Variants in SLC17A4 observed in about 807,000 individuals in gnomAD.
SLC17A4 encodes the protein solute carrier family 17 member 4, also known as probable small intestine urate exporter.
A neutral mutation model predicts 52.5 loss-of-function variants in SLC17A4; 33 were observed. The observed-to-expected ratio is 0.63, with a 90% CI of 0.48 to 0.84. The LOEUF (loss-of-function observed/expected upper bound fraction) is 0.84. SLC17A4 is among the 40% of genes least tolerant of loss of function. The pLI, the probability that SLC17A4 is intolerant of heterozygous loss-of-function variation, is 0.00. For missense variants in SLC17A4, 585 were observed against 597.1 expected (o/e 0.98, Z 0.21); for synonymous variants, 225 against 216.2 (o/e 1.04, Z -0.36).
Position 25,770,049 on chromosome 6 carries a change from A to T in SLC17A4, c.298-18A>T. 2.5e-6 allele frequency: 4 copies of T among 1,602,064 alleles called. No individual in the cohort carries two copies. In the Middle Eastern group the frequency reaches 5.0e-4, roughly 199 times the overall value. The stretch of plus-strand genomic sequence containing the variant: ...ATCCTTCAACTAAAGACAAACAGTA[A>T]CTCTCTTTGTCATCTAGGCCCCTGC... On this transcript the variant is annotated intron_variant, in intron 3 of 11. Transcript: ENST00000377905.
intron 2 of SLC17A4, among the ~76,000 whole-genome samples, chr6:25,766,250 A>C (rs1002260010): frequency 9.2e-5 from 14 of 151,822 alleles, no homozygotes; most frequent in Non-Finnish European, 1.5e-4. Flanking sequence ...TAAGAAATGA[A>C]GAAAATTGTC....
In SLC17A4 at chr6:25,761,938, C is replaced by T; in HGVS notation, c.-25C>T. The T allele has an allele frequency of 6.3e-7, 1 of 1,584,662 alleles. No homozygotes were observed. The highest frequency in any genetic ancestry group is 8.7e-7 in the Non-Finnish European group (1 of 1,155,028). The stretch of plus-strand genomic sequence containing the variant: ...TCTTTTTATTTCAGTAAGTAAATGC[C>T]AGTCCCTAGGAAGAGAGAACCAAAA... On this transcript the variant is annotated 5_prime_UTR_variant, in exon 2 of 12. Coordinates refer to ENST00000377905, the MANE Select transcript of SLC17A4 (RefSeq NM_005495.3).
At chr6:25,773,784 C>A in intron 8 of SLC17A4, 110 bp downstream of exon 8, 1 of 1,104,496 alleles carries the variant, frequency 9.1e-7, no homozygotes, top group South Asian at 1.6e-5. Flanking sequence ...GGATTAGGAC[C>A]AGGCAGGACC....
chr6:25,777,184 G>T, intron 10 of SLC17A4: 1 of 506,336 alleles, frequency 2.0e-6, no homozygotes, highest in Non-Finnish European at 3.4e-6. Flanking sequence ...CAGTGGCCAT[G>T]CTCAGAGTCA....
In SLC17A4 at chr6:25,776,946, G is replaced by C; in HGVS notation, c.1255G>C (p.Asp419His). 1 of 1,612,534 alleles carries C rather than the reference G, an allele frequency of 6.2e-7. No homozygotes were observed. Among genetic ancestry groups the C allele is most frequent in the Non-Finnish European group, 8.5e-7 (1 of 1,179,096 alleles). Residue 419 changes from aspartate to histidine, a missense_variant, in exon 10 of 12, where the codon GAT becomes CAT. By Grantham distance (81) the Asp-to-His change is moderately conservative. Coordinates refer to ENST00000377905, the MANE Select transcript of SLC17A4 (RefSeq NM_005495.3). ...ATCAGGAGCCCTTGTTAACTTCTTG[G>C]ATATTGCTCCTCGGTAGGGACCTCT... is the stretch of plus-strand genomic sequence containing the variant. ...CESGALVNFL[D>H]IAPRYTGFLK...
chr6:25,763,453 CA>C (rs1423909701), intron 2 of SLC17A4, among the ~76,000 whole-genome samples: 3 of 152,134 alleles, frequency 2.0e-5, no homozygotes, highest in Non-Finnish European at 4.4e-5. Flanking sequence ...AGTTGGTGTC[CA>C]ACATCAGTTT....
intron 2 of SLC17A4, among the ~76,000 whole-genome samples, chr6:25,763,141 C>T (rs1308381418): frequency 6.6e-6 from 1 of 152,178 alleles, no homozygotes; most frequent in Non-Finnish European, 1.5e-5. Context: ...TAAAGTGGAA[C>T]TTCTATGGTC....
intron 8 of SLC17A4, among the ~76,000 whole-genome samples, chr6:25,775,644 T>A (rs887490176): frequency 3.3e-5 from 5 of 152,008 alleles, no homozygotes; most frequent in African/African-American, 9.7e-5. Flanking sequence ...GCTAGGCTGG[T>A]CTCGAACTCC....
chr6:25,776,783 T>C (rs376178244), intron 9 of SLC17A4, 29 bp from the exon 10 acceptor site: 2 of 1,613,838 alleles, frequency 1.2e-6, no homozygotes, highest in African/African-American at 2.7e-5. Flanking sequence ...CAGCCTTCAG[T>C]TTACTCTGTG....
chr6:25,757,548 C>G (rs974315307), intron 1 of SLC17A4, among the ~76,000 whole-genome samples: 2 of 152,022 alleles, frequency 1.3e-5, no homozygotes, highest in Admixed American at 6.5e-5. Flanking sequence ...CCTTCTTTCC[C>G]CTGCCCCCCA....
At chr6:25,754,922 A>G (rs527352363) in intron 1 of SLC17A4, 141 bp downstream of exon 1, 1 of 152,168 alleles carries the variant, frequency 6.6e-6, no homozygotes, top group East Asian at 1.9e-4. Flanking sequence ...CTGTGTCCTG[A>G]GATAATTCTG....
chr6:25,781,143 A>G lies in SLC17A4; in HGVS notation c.*1955A>G, dbSNP rs573948852. The G allele has an allele frequency of 6.6e-6, 1 of 151,602 alleles. No individual in the cohort carries two copies. The highest frequency in any genetic ancestry group is 1.5e-5 in the Non-Finnish European group (1 of 67,936). 9.4% of individuals were successfully genotyped at this position (151,602 alleles called of 1,614,324 possible). A position where few individuals can be genotyped will look rare whatever the true frequency, so the allele number is the denominator to read the frequency against. On this transcript the variant is annotated 3_prime_UTR_variant, in exon 12 of 12. Coordinates refer to ENST00000377905, the MANE Select transcript of SLC17A4 (RefSeq NM_005495.3). ...TTGGGAATAAGCCTTAAAGAATTCC[A>G]GTATTTAATGGTCAGCTGGAGGATG... is the stretch of plus-strand genomic sequence containing the variant.
rs1226513369 is a variant in SLC17A4, at chr6:25,770,063, C to G, written c.298-4C>G. On this transcript the variant is annotated splice_polypyrimidine_tract_variant and splice_region_variant and intron_variant, in intron 3 of 11. Transcript: ENST00000377905. The stretch of plus-strand genomic sequence containing the variant: ...GACAAACAGTAACTCTCTTTGTCAT[C>G]TAGGCCCCTGCATATGACTGGAGTC... 29 of 1,612,908 alleles carry G rather than the reference C, an allele frequency of 1.8e-5. No homozygotes were observed. The highest frequency in any genetic ancestry group is 2.3e-5 in the Non-Finnish European group (27 of 1,179,076).
intron 8 of SLC17A4, among the ~76,000 whole-genome samples, chr6:25,776,277 T>C (rs577458426): frequency 6.6e-6 from 1 of 152,286 alleles, no homozygotes; most frequent in South Asian, 2.1e-4. Context: ...CACTTATTTT[T>C]CTTTTTTTCT....
At chr6:25,765,225 T>G (rs974155594) in intron 2 of SLC17A4, among the ~76,000 whole-genome samples, 3 of 152,264 alleles carry the variant, frequency 2.0e-5, no homozygotes, top group Admixed American at 6.5e-5. Flanking sequence ...GGTACACTTA[T>G]GAAAGATAAC....
intron 8 of SLC17A4, among the ~76,000 whole-genome samples, chr6:25,775,415 ATTCT>A (rs1425608525): frequency 1.3e-5 from 2 of 151,156 alleles, no homozygotes; most frequent in Non-Finnish European, 2.9e-5. Context: ...TCCAATGATA[ATTCT>A]TTCTATGTCT....
chr6:25,757,468 A>C (rs1477060228), intron 1 of SLC17A4, among the ~76,000 whole-genome samples: 1 of 152,004 alleles, frequency 6.6e-6, no homozygotes, highest in African/African-American at 2.4e-5. Context: ...TCTTCAAATA[A>C]TCTCATTTTT....
In SLC17A4 at chr6:25,776,824, C is replaced by T. The variant is rs1441678042; in HGVS notation, c.1133C>T (p.Pro378Leu). Residue 378 changes from proline (P) to leucine (L), a missense_variant, in exon 10 of 12, where the codon CCA (proline) becomes CTA (leucine). Transcript: ENST00000377905. ...KLFTAIGVLF[P>L]SVILVSLPWV... ...CCTCCTACCCCAGGGGTTCTCTTCC[C>T]ATCCGTGATCCTCGTGTCCCTGCCC... 2 of 1,613,992 alleles carry T rather than the reference C, an allele frequency of 1.2e-6. No individual in the cohort carries two copies. The highest frequency in any genetic ancestry group is 1.7e-6 in the Non-Finnish European group (2 of 1,179,920).
chr6:25,765,037 C>T (rs975499658), intron 2 of SLC17A4, among the ~76,000 whole-genome samples: 1 of 152,170 alleles, frequency 6.6e-6, no homozygotes, highest in African/African-American at 2.4e-5. Context: ...TATAGCTGGG[C>T]CTCAAACCAG....
Sources: allele counts gnomAD v4.1 joint callset (sites outside exome capture counted in the v4.1 genomes callset), GRCh38; gene constraint gnomAD v4.1.1; transcripts MANE v1.5; gene names NCBI Gene and HGNC (gene_info 2026-07-23, HGNC 2026-07-21).